TXLNB: variants seen among roughly 807,000 people sequenced by gnomAD.
The protein encoded by TXLNB is beta-taxilin.
Under a neutral mutation model 57.4 loss-of-function variants are expected in TXLNB, and 37 were observed. The ratio of observed to expected loss-of-function variants is 0.64; its 90% CI spans 0.50 to 0.85. The LOEUF is 0.85. TXLNB is among the 40% of genes least tolerant of loss of function. TXLNB has a pLI of 0.00. For synonymous variants in TXLNB, 302 were observed against 309.6 expected, an observed-to-expected ratio of 0.98 and a Z score of 0.26; for missense variants, 848 against 825.6, an observed-to-expected ratio of 1.03 and a Z score of -0.33.
At chr6:139,185,678 G>A in the TXLNB span, among the ~76,000 whole-genome samples, 13 of 152,310 alleles carry the variant, frequency 8.5e-5, no homozygotes, top group Non-Finnish European at 1.9e-4. Context: ...TCCAGCCTGG[G>A]CGACAGAGCG....
upstream of TXLNB, among the ~76,000 whole-genome samples, chr6:139,295,802 C>G (rs987873946): frequency 2.0e-5 from 3 of 151,950 alleles, no homozygotes; most frequent in Non-Finnish European, 1.5e-5. Context: ...ACTGTTAAAC[C>G]AGGTAGAGCA....
chr6:139,318,284 A>AG, the TXLNB span, among the ~76,000 whole-genome samples: 3 of 151,082 alleles, frequency 2.0e-5, no homozygotes, highest in African/African-American at 7.3e-5. Context: ...AAAAAAAAAA[A>AG]AAAAGAAAAG....
chr6:139,215,370 T>A, the TXLNB span, among the ~76,000 whole-genome samples: 2 of 152,164 alleles, frequency 1.3e-5, no homozygotes, highest in African/African-American at 4.8e-5. Flanking sequence ...AAACAAGCAA[T>A]GGGGAAAGGA....
At chr6:139,185,633 G>A in the TXLNB span, among the ~76,000 whole-genome samples, 3 of 152,218 alleles carry the variant, frequency 2.0e-5, no homozygotes, top group South Asian at 4.1e-4. Context: ...CCCGGGAGGC[G>A]GAGCTTGCAG....
chr6:139,288,622 T>G lies in TXLNB; in HGVS notation c.278A>C (p.Glu93Ala), dbSNP rs1423567599. The G allele has an allele frequency of 6.2e-7, 1 of 1,614,218 alleles. No homozygotes were observed. The highest frequency in any genetic ancestry group is 2.2e-5 in the East Asian group (1 of 44,880). The change falls in exon 2 of 10, where the codon GAA becomes GCA. Residue 93 changes from glutamate (E) to alanine (A), a missense_variant. Coordinates refer to ENST00000358430, the MANE Select transcript of TXLNB (RefSeq NM_153235.4). The part of the protein sequence containing the change: ...ARASEQPENA[E>A]SPDNEDGDCE... ...GTCCCCATCCTCGTTGTCAGGTGAT[T>G]CTGCATTCTCAGGCTGCTCACTGGC...
At chr6:139,267,982 C>A (rs1386103832) in intron 4 of TXLNB, among the ~76,000 whole-genome samples, 1 of 151,944 alleles carries the variant, frequency 6.6e-6, no homozygotes, top group Non-Finnish European at 1.5e-5. Context: ...GAAACCCCGT[C>A]TCTACTAAAA....
chr6:139,227,663 G>A, the TXLNB span, among the ~76,000 whole-genome samples: 1 of 152,182 alleles, frequency 6.6e-6, no homozygotes. Flanking sequence ...GAATAGATAA[G>A]TTGTGGTATA....
At chr6:139,260,628 C>T (rs978467004) in intron 5 of TXLNB, among the ~76,000 whole-genome samples, 191 bp from the exon 6 acceptor site, 3 of 152,126 alleles carry the variant, frequency 2.0e-5, no homozygotes, top group African/African-American at 7.2e-5. Context: ...CCTGACTTTG[C>T]ACCACACACA....
chr6:139,287,273 T>C (rs1361542653), intron 2 of TXLNB: 1 of 152,284 alleles, frequency 6.6e-6, no homozygotes, highest in African/African-American at 2.4e-5. Flanking sequence ...GCACTACTGT[T>C]TGTAAGCCCC....
chr6:139,182,072 T>A, the TXLNB span, among the ~76,000 whole-genome samples: 801 of 152,364 alleles, frequency 5.3e-3, 8 homozygotes, highest in African/African-American at 0.018. Flanking sequence ...GCTGACTTCA[T>A]ATACTGTGAT....
the TXLNB span, among the ~76,000 whole-genome samples, chr6:139,159,644 C>T: frequency 6.6e-6 from 1 of 152,094 alleles, no homozygotes; most frequent in African/African-American, 2.4e-5. Context: ...ATGGGTTCAC[C>T]CTCTCTCTAT....
At chr6:139,282,029 C>T (rs1224753080) in intron 2 of TXLNB, among the ~76,000 whole-genome samples, 1 of 151,462 alleles carries the variant, frequency 6.6e-6, no homozygotes, top group Non-Finnish European at 1.5e-5. Context: ...GTAAACTCTC[C>T]TCCCTGTCAA....
chr6:139,315,878 A>T, the TXLNB span, among the ~76,000 whole-genome samples: 47 of 152,222 alleles, frequency 3.1e-4, no homozygotes, highest in Middle Eastern at 3.2e-3. Flanking sequence ...AATGGATGTT[A>T]TTTTAGACAC....
the TXLNB span, among the ~76,000 whole-genome samples, chr6:139,318,650 A>G: frequency 1.3e-4 from 20 of 152,130 alleles, no homozygotes; most frequent in African/African-American, 4.8e-4. Context: ...CAAACTGATG[A>G]AAGCTAGATG....
chr6:139,215,671 C>A, the TXLNB span, among the ~76,000 whole-genome samples: 2 of 152,074 alleles, frequency 1.3e-5, no homozygotes, highest in Admixed American at 6.6e-5. Context: ...AAAGAAACTA[C>A]CATCAGAGTG....
Position 139,260,456 on chromosome 6 carries a change from A to G in TXLNB, c.883-19T>C, listed in dbSNP as rs1277097257. ...CCAGATGCTAAGAAAAATAAAGTGT[A>G]CATAGAAAGCTTGGTTTATTATTGG... On this transcript the variant is annotated intron_variant, in intron 5 of 9. Transcript: ENST00000358430. 1 of 1,609,716 alleles carries G rather than the reference A, an allele frequency of 6.2e-7. No individual in the cohort carries two copies. Among genetic ancestry groups the G allele is most frequent in the East Asian group, 2.2e-5 (1 of 44,878 alleles).
At chr6:139,175,104 T>C in the TXLNB span, among the ~76,000 whole-genome samples, 4 of 152,320 alleles carry the variant, frequency 2.6e-5, no homozygotes, top group South Asian at 4.1e-4. Flanking sequence ...GGAGGCATTG[T>C]CTCATGCTAT....
the TXLNB span, among the ~76,000 whole-genome samples, chr6:139,191,826 C>T: frequency 2.8e-4 from 42 of 152,136 alleles, no homozygotes; most frequent in African/African-American, 9.9e-4. Context: ...CACAGGGACG[C>T]GAGACAGAAT....
At chr6:139,204,733 G>C in the TXLNB span, among the ~76,000 whole-genome samples, 1 of 152,168 alleles carries the variant, frequency 6.6e-6, no homozygotes, top group African/African-American at 2.4e-5. Context: ...TGAGTTCTAT[G>C]TGCAGGCTGC....
Sources: allele counts gnomAD v4.1 joint callset (sites outside exome capture counted in the v4.1 genomes callset), GRCh38; gene constraint gnomAD v4.1.1; transcripts MANE v1.5; gene names NCBI Gene and HGNC (gene_info 2026-07-23, HGNC 2026-07-21).